MYO5B: variants seen among roughly 807,000 people sequenced by gnomAD.
The protein encoded by MYO5B is unconventional myosin-Vb.
In MYO5B, 143 loss-of-function variants were observed where a neutral mutation model predicts 229.3. The ratio of observed to expected loss-of-function variants is 0.62; its 90% confidence interval spans 0.54 to 0.72. The LOEUF is 0.72. Ranked by LOEUF, MYO5B falls within the 30% of genes least tolerant of loss-of-function variation. The pLI is 0.00. For synonymous variants in MYO5B, 918 were observed against 885.2 expected (o/e 1.04, Z -0.66); for missense variants, 2,321 against 2,331.0 (o/e 1.00, Z 0.09).
intron 4 of MYO5B, among the ~76,000 whole-genome samples, chr18:50,013,570 A>T (rs1266350084): frequency 6.6e-6 from 1 of 152,202 alleles, no homozygotes; most frequent in Admixed American, 6.5e-5. Context: ...GTAACCCAAG[A>T]TCTTGCTTGT....
chr18:49,846,995 G>T, intron 33 of MYO5B, 151 bp downstream of exon 33: 1 of 925,840 alleles, frequency 1.1e-6, no homozygotes, highest in Non-Finnish European at 1.7e-6. Flanking sequence ...GGGAGTGGAA[G>T]ATGGGGGCAG....
In MYO5B at chr18:50,008,829, G is replaced by A. The variant is rs1244316128; in HGVS notation, c.456-7418C>T. ...AACAGAATATATTCTGTTCACTAAT[G>A]GGATAATCAGTCTACTGCTTCTTGT... On this transcript the variant is annotated intron_variant, in intron 4 of 39. Coordinates refer to ENST00000285039, the MANE Select transcript of MYO5B (RefSeq NM_001080467.3). Among the ~76,000 whole-genome samples, 8 of 152,206 alleles carry A rather than the reference G, an allele frequency of 5.3e-5. No individual in the cohort carries two copies. The East Asian group carries it at 1.2e-3, about 22-fold the overall frequency.
chr18:50,069,742 A>G (rs1311419604), intron 1 of MYO5B, among the ~76,000 whole-genome samples: 1 of 152,092 alleles, frequency 6.6e-6, no homozygotes, highest in Non-Finnish European at 1.5e-5. Context: ...AGGAACCTAG[A>G]TATGCTCAGA....
intron 14 of MYO5B, among the ~76,000 whole-genome samples, chr18:49,946,782 G>A (rs940941377): frequency 3.3e-5 from 5 of 151,998 alleles, no homozygotes; most frequent in African/African-American, 1.2e-4. Flanking sequence ...CAGGATCTGG[G>A]ATTTAGAGGG....
chr18:49,878,103 A>G (rs534348098), intron 24 of MYO5B, among the ~76,000 whole-genome samples: 10 of 152,188 alleles, frequency 6.6e-5, no homozygotes, highest in African/African-American at 2.4e-4. Flanking sequence ...ATGAAACGCA[A>G]ATTCCTAACA....
chr18:50,031,962 C>CCCACG (rs1164158303), intron 4 of MYO5B, among the ~76,000 whole-genome samples: 5 of 152,170 alleles, frequency 3.3e-5, no homozygotes, highest in Non-Finnish European at 7.4e-5. Flanking sequence ...TAAAGGAAGA[C>CCCACG]GTTTAACTTG....
intron 21 of MYO5B, among the ~76,000 whole-genome samples, chr18:49,900,722 T>C (rs2024831424): frequency 6.6e-6 from 1 of 152,208 alleles, no homozygotes; most frequent in Non-Finnish European, 1.5e-5. Context: ...ACACACACTC[T>C]TCATGTCCTT....
chr18:49,844,521 CTGGGCTCT>C (rs2024101489), intron 33 of MYO5B, among the ~76,000 whole-genome samples: 1 of 152,230 alleles, frequency 6.6e-6, no homozygotes, highest in Non-Finnish European at 1.5e-5. Flanking sequence ...TGGTCCTGGG[CTGGGCTCT>C]GCTGCCAGCA....
At chr18:50,059,857 T>A (rs571734081) in intron 1 of MYO5B, among the ~76,000 whole-genome samples, 2 of 152,340 alleles carry the variant, frequency 1.3e-5, no homozygotes, top group South Asian at 4.1e-4. Flanking sequence ...TAATCAAATT[T>A]TGCCTCATAT....
chr18:49,877,730 G>A (rs746973090), intron 25 of MYO5B, 33 bp downstream of exon 25: 240 of 1,611,336 alleles, frequency 1.5e-4, no homozygotes, highest in Non-Finnish European at 1.9e-4. Context: ...TCCCTCTGGA[G>A]GAGGACAGTA....
intron 12 of MYO5B, among the ~76,000 whole-genome samples, chr18:49,955,226 A>C (rs985047198): frequency 2.0e-5 from 3 of 152,206 alleles, no homozygotes; most frequent in African/African-American, 7.2e-5. Flanking sequence ...CTGCATTAAG[A>C]ATTCTGAAGG....
intron 1 of MYO5B, among the ~76,000 whole-genome samples, chr18:50,144,508 T>C (rs890936945): frequency 1.3e-5 from 2 of 152,002 alleles, no homozygotes; most frequent in East Asian, 3.9e-4. Context: ...CACTCTCCCA[T>C]CCAAAAACAG....
chr18:50,089,932 C>T (rs918696030), intron 1 of MYO5B, among the ~76,000 whole-genome samples: 1 of 152,134 alleles, frequency 6.6e-6, no homozygotes, highest in Non-Finnish European at 1.5e-5. Context: ...CCACCTTTTT[C>T]GAAGGCTACA....
At chr18:50,031,593 C>G (rs557931948) in intron 4 of MYO5B, among the ~76,000 whole-genome samples, 2 of 152,278 alleles carry the variant, frequency 1.3e-5, no homozygotes, top group South Asian at 4.1e-4. Flanking sequence ...TGCCTTTCAT[C>G]CATACTATAC....
chr18:49,936,079 G>T (rs115696647), intron 16 of MYO5B, among the ~76,000 whole-genome samples, 173 bp downstream of exon 16: 1 of 152,224 alleles, frequency 6.6e-6, no homozygotes, highest in Non-Finnish European at 1.5e-5. Context: ...CAGACTGGTG[G>T]CACTCAGCAA....
rs2144293515 is a variant in MYO5B at position 49,980,543 on chromosome 18, C to T, written c.957G>A (p.Glu319=). 6.2e-7 allele frequency: 1 copy of T among 1,610,766 alleles called. No individual in the cohort carries two copies. The highest frequency in any genetic ancestry group is 8.5e-7 in the Non-Finnish European group (1 of 1,176,962). ...TCTTAAAAATGCTCATCTGATGGGA[C>T]TCTTTCACTCCTGGAAAAGAAAAAT... ...RQAFTLLGVK[E]SHQMSIFKII... The change falls in exon 9 of 40, where the codon GAG becomes GAA. Residue 319 remains glutamate, a synonymous_variant. Transcript: ENST00000285039.
intron 22 of MYO5B, among the ~76,000 whole-genome samples, chr18:49,882,953 A>G (rs1050484637): frequency 2.6e-5 from 4 of 152,246 alleles, no homozygotes; most frequent in African/African-American, 9.6e-5. Flanking sequence ...ACAGCCCAGT[A>G]TCTCTTATGA....
chr18:50,153,629 T>C (rs191238144), intron 1 of MYO5B, among the ~76,000 whole-genome samples: 1 of 152,284 alleles, frequency 6.6e-6, no homozygotes, highest in East Asian at 1.9e-4. Flanking sequence ...TTTGTATTTT[T>C]AGTAGAGACA....
At chr18:50,140,936 C>CT (rs1210310265) in intron 1 of MYO5B, among the ~76,000 whole-genome samples, 4 of 152,240 alleles carry the variant, frequency 2.6e-5, no homozygotes, top group African/African-American at 9.7e-5. Flanking sequence ...AAACGTGTTA[C>CT]TTTCCTGGCA....
Sources: allele counts gnomAD v4.1 joint callset (sites outside exome capture counted in the v4.1 genomes callset), GRCh38; gene constraint gnomAD v4.1.1; transcripts MANE v1.5; gene names NCBI Gene and HGNC (gene_info 2026-07-23, HGNC 2026-07-21).